GK5: variants seen among roughly 807,000 people sequenced by gnomAD.
GK5 encodes glycerol kinase 5, also known as ATP:glycerol 3-phosphotransferase 5.
GK5 carries 39 observed loss-of-function variants against 77.3 expected under a neutral mutation model. The ratio of observed to expected loss-of-function variants is 0.50; its 90% CI spans 0.39 to 0.66. The LOEUF is 0.66. Ranked by LOEUF, GK5 falls within the 30% of genes least tolerant of loss-of-function variation. GK5 has a pLI of 0.00. For synonymous variants in GK5, 211 were observed against 208.0 expected, an observed-to-expected ratio of 1.01 and a Z score of -0.13; for missense variants, 487 against 633.8, an observed-to-expected ratio of 0.77 and a Z score of 2.49.
chr3:142,225,102 G>A (rs944693624), intron 1 of GK5, among the ~76,000 whole-genome samples: 4 of 152,212 alleles, frequency 2.6e-5, no homozygotes, highest in African/African-American at 9.6e-5. Flanking sequence ...TGGACAGGAA[G>A]GGCGCGCGGG....
chr3:142,179,324 C>T (rs188108304), intron 11 of GK5, among the ~76,000 whole-genome samples: 1 of 152,230 alleles, frequency 6.6e-6, no homozygotes, highest in East Asian at 1.9e-4. Context: ...AAGTTTCATC[C>T]ATTTGTTCAA....
intron 9 of GK5, chr3:142,185,020 C>T (rs1464443007): frequency 1.0e-6 from 1 of 985,286 alleles, no homozygotes; most frequent in Non-Finnish European, 1.2e-6. Context: ...TCAGCTGCTC[C>T]CCCAGCTACT....
Position 142,158,563 on chromosome 3 carries a change from G to A in GK5, c.*7059C>T, listed in dbSNP as rs2063400257. ...TATAGATCTTAACAATGATTTATGA[G>A]GTTCTCAATGACAATTTAATAAAAC... is the stretch of plus-strand genomic sequence containing the variant. On this transcript the variant is annotated 3_prime_UTR_variant, in exon 16 of 16. Coordinates refer to ENST00000392993, the MANE Select transcript of GK5 (RefSeq NM_001039547.3). The A allele has an allele frequency of 6.6e-6, 1 of 152,482 alleles. No individual in the cohort carries two copies. Among genetic ancestry groups the A allele is most frequent in the South Asian group, 2.1e-4 (1 of 4,822 alleles). The allele number at this position is 152,482 out of a possible 1,614,324, so 9.4% of individuals were successfully genotyped here.
intron 1 of GK5, among the ~76,000 whole-genome samples, chr3:142,218,296 G>A (rs1194473782): frequency 6.6e-6 from 1 of 151,098 alleles, no homozygotes; most frequent in Non-Finnish European, 1.5e-5. Flanking sequence ...ACTTTGGGAG[G>A]CTGAGGCGGG....
intron 12 of GK5, chr3:142,173,073 C>A (rs996942817): frequency 8.6e-6 from 3 of 349,242 alleles, no homozygotes; most frequent in Non-Finnish European, 1.7e-5. Flanking sequence ...GTGTGATACA[C>A]ACCTGTAGTT....
intron 12 of GK5, chr3:142,173,149 C>T (rs533273452): frequency 1.4e-5 from 6 of 426,006 alleles, no homozygotes; most frequent in Non-Finnish European, 2.8e-5. Flanking sequence ...TGCAATGAGC[C>T]GTGATCGCGT....
At chr3:142,220,250 C>T (rs2064323656) in intron 1 of GK5, among the ~76,000 whole-genome samples, 1 of 152,198 alleles carries the variant, frequency 6.6e-6, no homozygotes, top group African/African-American at 2.4e-5. Context: ...CTTCTCCTGC[C>T]TCAGCCTCCT....
rs12106773 is a variant in GK5, at chr3:142,201,723, G to A, written c.412-2790C>T. Among the ~76,000 whole-genome samples, 1,091 of 152,260 alleles carry A rather than the reference G, an allele frequency of 7.2e-3. 24 individuals carry two copies. The highest frequency in any genetic ancestry group is 0.025 in the African/African-American group (1,053 of 41,560). On this transcript the variant is annotated intron_variant, in intron 4 of 15. Coordinates refer to ENST00000392993, the MANE Select transcript of GK5 (RefSeq NM_001039547.3). Reference sequence around the variant, plus strand: ...ATTTATGGATTGTATTAATGTCAATGTCCTGGTTGTGATGTTATACTATAG... The same window carrying A: ...ATTTATGGATTGTATTAATGTCAATATCCTGGTTGTGATGTTATACTATAG...
At chr3:142,177,712 T>G (rs1009207032) in intron 11 of GK5, 136 bp from the exon 12 acceptor site, 11 of 626,594 alleles carry the variant, frequency 1.8e-5, no homozygotes, top group Middle Eastern at 3.6e-4. Context: ...GATTGCTCAC[T>G]TAAAAGGGTC....
At chr3:142,190,855 T>C (rs1442196557) in intron 5 of GK5, among the ~76,000 whole-genome samples, 1 of 151,930 alleles carries the variant, frequency 6.6e-6, no homozygotes, top group Non-Finnish European at 1.5e-5. Context: ...AGAAAAAAAG[T>C]GTTAAACCAG....
chr3:142,210,673 C>T (rs945984999), intron 3 of GK5, among the ~76,000 whole-genome samples: 2 of 152,196 alleles, frequency 1.3e-5, no homozygotes, highest in Admixed American at 6.5e-5. Flanking sequence ...CAATGAATTG[C>T]TTTAGGAAGA....
At chr3:142,213,962 A>C (rs1026173730) in intron 2 of GK5, among the ~76,000 whole-genome samples, 1 of 152,190 alleles carries the variant, frequency 6.6e-6, no homozygotes, top group African/African-American at 2.4e-5. Context: ...AGCTGGGATT[A>C]TAGGTGTGCA....
chr3:142,190,852 A>C lies in GK5; in HGVS notation c.544-3073T>G, dbSNP rs553456608. Reference sequence around the variant, plus strand: ...GGTCCTTGCCAATGAAAAAGAAAAAAAGTGTTAAACCAGCAGAAAAAAAAT... The same window carrying C: ...GGTCCTTGCCAATGAAAAAGAAAAACAGTGTTAAACCAGCAGAAAAAAAAT... On this transcript the variant is annotated intron_variant, in intron 5 of 15. Transcript: ENST00000392993. Among the ~76,000 whole-genome samples, 5 of 152,306 alleles carry C rather than the reference A, an allele frequency of 3.3e-5. No individual in the cohort carries two copies. The South Asian group carries it at 1.0e-3, about 32-fold the overall frequency.
At chr3:142,202,599 C>T (rs1311759239) in intron 4 of GK5, among the ~76,000 whole-genome samples, 1 of 152,182 alleles carries the variant, frequency 6.6e-6, no homozygotes, top group African/African-American at 2.4e-5. Context: ...TGTTCAATAT[C>T]AAGTAGACAA....
At position 142,159,829 on chromosome 3, in the gene GK5, TTCTCTCTCTCTC is replaced by T. The variant is rs373354010; in HGVS notation, c.*5781_*5792del. On this transcript the variant is annotated 3_prime_UTR_variant, in exon 16 of 16. Transcript: ENST00000392993. ...AAAGGCCCAAGGTATGTTTGGGGCT[TTCTCTCTCTCTC>T]TCTCTCTCTCTCTTTTTTTTTTTTG... 1.5e-5 allele frequency: 2 copies of T among 134,380 alleles called. No individual in the cohort carries two copies. The highest frequency in any genetic ancestry group is 7.4e-5 in the Admixed American group (1 of 13,504). 8.3% of individuals were successfully genotyped at this position (134,380 alleles called of 1,614,324 possible).
intron 3 of GK5, among the ~76,000 whole-genome samples, chr3:142,210,381 C>T (rs1170841203): frequency 6.6e-6 from 1 of 152,138 alleles, no homozygotes; most frequent in Non-Finnish European, 1.5e-5. Context: ...ATTAGTGCTT[C>T]TGGCTGGCCC....
Position 142,162,021 on chromosome 3 carries a change from A to G in GK5, c.*3601T>C, listed in dbSNP as rs2063429205. ...CGCCAGGTTGCCCAGGCTGGTCTCA[A>G]ACTCCTGAGCTGAAGTGATCCGCCT... On this transcript the variant is annotated 3_prime_UTR_variant, in exon 16 of 16. Transcript: ENST00000392993. The G allele has an allele frequency of 6.6e-6, 1 of 152,252 alleles. No individual in the cohort carries two copies. The highest frequency in any genetic ancestry group is 2.1e-4 in the South Asian group (1 of 4,830). 9.4% of individuals were successfully genotyped at this position (152,252 alleles called of 1,614,324 possible).
rs1421822317 is a variant in GK5 at position 142,197,742 on chromosome 3, T to C, written c.543+1060A>G. Among the ~76,000 whole-genome samples the C allele has an allele frequency of 3.3e-5, 5 of 152,306 alleles. No homozygotes were observed. The East Asian group carries it at 7.7e-4, about 23-fold the overall frequency. On this transcript the variant is annotated intron_variant, in intron 5 of 15. Coordinates refer to ENST00000392993, the MANE Select transcript of GK5 (RefSeq NM_001039547.3). ...ATTATCCTTTAAAGGTAAAGATACA[T>C]GGCTGGGCATGGTGATTCATGCTTG... is the stretch of plus-strand genomic sequence containing the variant.
chr3:142,224,022 C>T (rs2064394425), intron 1 of GK5, among the ~76,000 whole-genome samples: 3 of 152,146 alleles, frequency 2.0e-5, no homozygotes, highest in South Asian at 4.1e-4. Context: ...GAATACAGTG[C>T]TGCTGGGAAT....
Sources: allele counts gnomAD v4.1 joint callset (sites outside exome capture counted in the v4.1 genomes callset), GRCh38; gene constraint gnomAD v4.1.1; transcripts MANE v1.5; gene names NCBI Gene and HGNC (gene_info 2026-07-23, HGNC 2026-07-21).